The following SERINC5 variants were observed in gnomAD, a reference collection of about 807,000 sequenced individuals.
The protein encoded by SERINC5 is serine incorporator 5, also known as chromosome 5 open reading frame 12.
A neutral mutation model predicts 63.1 loss-of-function variants in SERINC5; 41 were observed. The observed-to-expected ratio is 0.65, with a 90% CI of 0.51 to 0.84. The LOEUF is 0.84. Ranked by LOEUF, SERINC5 falls within the 40% of genes least tolerant of loss-of-function variation. SERINC5 has a pLI of 0.00. For missense variants in SERINC5, 523 were observed against 573.0 expected, an observed-to-expected ratio of 0.91 and a Z score of 0.89; for synonymous variants, 222 against 215.2, an observed-to-expected ratio of 1.03 and a Z score of -0.28.
intron 11 of SERINC5, among the ~76,000 whole-genome samples, chr5:80,127,434 G>A (rs928200520): frequency 6.6e-6 from 1 of 152,130 alleles, no homozygotes; most frequent in Non-Finnish European, 1.5e-5. Context: ...CAAAGCTACC[G>A]GTAGCCCACA....
At chr5:80,169,586 G>A in intron 5 of SERINC5, 40 bp from the exon 6 acceptor site, 3 of 1,540,012 alleles carry the variant, frequency 1.9e-6, no homozygotes, top group Non-Finnish European at 2.7e-6. Context: ...GAGGAGAGAA[G>A]ACAAGTCAAC....
At chr5:80,227,201 C>T (rs75465953) in intron 1 of SERINC5, among the ~76,000 whole-genome samples, 14,698 of 152,054 alleles carry the variant, frequency 0.097, 890 homozygotes, top group Non-Finnish European at 0.13. Flanking sequence ...TGGCCTATGC[C>T]CTACTTTTAT....
intron 2 of SERINC5, among the ~76,000 whole-genome samples, chr5:80,184,304 A>G (rs978806367): frequency 1.3e-5 from 2 of 152,136 alleles, no homozygotes; most frequent in Non-Finnish European, 2.9e-5. Context: ...CCCATAACAC[A>G]TGCACATTAG....
rs143729219 is a variant in SERINC5, at chr5:80,123,734, G to A, written c.1239-10109C>T. Among the ~76,000 whole-genome samples the A allele has an allele frequency of 3.9e-3, 593 of 152,300 alleles. 7 individuals carry two copies. The highest frequency in any genetic ancestry group is 0.014 in the African/African-American group (561 of 41,548). ...CAATGTGCTCACCTTCACTCTCCCAGTGGGTCCTTGCACCTGAGAACGTGC... is the reference window on the plus strand; with the variant it reads ...CAATGTGCTCACCTTCACTCTCCCAATGGGTCCTTGCACCTGAGAACGTGC... On this transcript the variant is annotated intron_variant, in intron 11 of 12. Transcript: ENST00000509193.
chr5:80,207,227 T>C (rs1396028262), intron 1 of SERINC5, among the ~76,000 whole-genome samples: 1 of 152,162 alleles, frequency 6.6e-6, no homozygotes, highest in Non-Finnish European at 1.5e-5. Context: ...CTCAATCTCC[T>C]GACCTTGTAA....
chr5:80,121,873 T>G lies in SERINC5; in HGVS notation c.1239-8248A>C, dbSNP rs115722625. ...ACTTAATAGAGTGAGAACCCACTCA[T>G]TACCTCGGGGAGGGCACAAAACCAT... On this transcript the variant is annotated intron_variant, in intron 11 of 12. Transcript: ENST00000509193. Among the ~76,000 whole-genome samples, 1,033 of 151,774 alleles carry G rather than the reference T, an allele frequency of 6.8e-3. 13 individuals carry two copies. Among genetic ancestry groups the G allele is most frequent in the African/African-American group, 0.024 (972 of 41,340 alleles).
chr5:80,191,075 A>C (rs1231518451), intron 2 of SERINC5, among the ~76,000 whole-genome samples: 1 of 152,048 alleles, frequency 6.6e-6, no homozygotes, highest in Non-Finnish European at 1.5e-5. Context: ...AGTGCCACTG[A>C]ATTTGGGGGC....
intron 1 of SERINC5, among the ~76,000 whole-genome samples, chr5:80,236,857 T>C (rs1751714762): frequency 6.7e-6 from 1 of 149,444 alleles, no homozygotes; most frequent in Non-Finnish European, 1.5e-5. Flanking sequence ...CTTTTCTTTT[T>C]TTATTTTTTT....
intron 1 of SERINC5, among the ~76,000 whole-genome samples, chr5:80,223,150 C>G (rs192904418): frequency 7.2e-4 from 110 of 152,348 alleles, no homozygotes; most frequent in African/African-American, 2.5e-3. Context: ...AGCCGCTGTG[C>G]CCAGCCTAGC....
chr5:80,145,637 G>T (rs1745768718), intron 11 of SERINC5, among the ~76,000 whole-genome samples: 1 of 152,128 alleles, frequency 6.6e-6, no homozygotes, highest in Non-Finnish European at 1.5e-5. Flanking sequence ...TCATTACCAT[G>T]TTTTCCAGAC....
intron 11 of SERINC5, among the ~76,000 whole-genome samples, chr5:80,121,284 C>T (rs1744534442): frequency 6.6e-6 from 1 of 152,214 alleles, no homozygotes; most frequent in Non-Finnish European, 1.5e-5. Context: ...GGCATCTGCT[C>T]AGTTTCTGGG....
chr5:80,204,074 C>G (rs992048839), intron 1 of SERINC5, among the ~76,000 whole-genome samples: 12 of 152,222 alleles, frequency 7.9e-5, no homozygotes, highest in African/African-American at 2.4e-4. Flanking sequence ...GAACGATGCT[C>G]TGGCGCTCGG....
intron 2 of SERINC5, among the ~76,000 whole-genome samples, chr5:80,178,708 A>G (rs1460380705): frequency 1.3e-5 from 2 of 151,748 alleles, no homozygotes; most frequent in African/African-American, 4.8e-5. Flanking sequence ...ATACATGGAT[A>G]TATTTTTGTT....
intron 1 of SERINC5, among the ~76,000 whole-genome samples, chr5:80,220,148 C>T (rs1436379502): frequency 6.6e-6 from 1 of 151,816 alleles, no homozygotes; most frequent in African/African-American, 2.4e-5. Context: ...GCGGAGGTTG[C>T]AGTGAGCCCA....
intron 2 of SERINC5, among the ~76,000 whole-genome samples, chr5:80,178,540 T>C (rs1359339395): frequency 2.2e-5 from 1 of 45,514 alleles, no homozygotes. Flanking sequence ...TTTTTGTATT[T>C]TTTTTTTTTT....
At chr5:80,138,381 T>TAG (rs978061898), downstream of SERINC5, among the ~76,000 whole-genome samples, 1 of 151,920 alleles carries the variant, frequency 6.6e-6, no homozygotes, top group Non-Finnish European at 1.5e-5. Flanking sequence ...AGATCACCTG[T>TAG]AGTCAGGAGT....
intron 12 of SERINC5, among the ~76,000 whole-genome samples, chr5:80,112,500 G>A (rs752993267): frequency 1.3e-5 from 2 of 152,142 alleles, no homozygotes; most frequent in African/African-American, 4.8e-5. Context: ...TCAGAGACCG[G>A]TGCTGGTGCA....
At chr5:80,189,190 AG>A (rs1749028013) in intron 2 of SERINC5, among the ~76,000 whole-genome samples, 1 of 152,164 alleles carries the variant, frequency 6.6e-6, no homozygotes, top group African/African-American at 2.4e-5. Context: ...CTCCATAAGA[AG>A]GGTTTTGGAA....
intron 11 of SERINC5, among the ~76,000 whole-genome samples, chr5:80,128,057 G>A (rs1689660127): frequency 6.6e-6 from 1 of 152,036 alleles, no homozygotes; most frequent in South Asian, 2.1e-4. Context: ...TGAGTCTAAT[G>A]AATCAGTCTC....
Sources: gnomAD v4.1 joint callset for allele counts (sites outside exome capture counted in the v4.1 genomes callset) on GRCh38, gnomAD v4.1.1 for gene constraint, MANE v1.5 for transcripts, NCBI Gene and HGNC (gene_info 2026-07-23, HGNC 2026-07-21) for gene names.